The following GRIN2B variants were observed in gnomAD, a reference collection of about 807,000 sequenced individuals.
GRIN2B encodes glutamate receptor ionotropic, NMDA 2B.
A neutral mutation model predicts 114.5 loss-of-function variants in GRIN2B; 5 were observed. The observed-to-expected ratio is 0.04, with a 90% CI of 0.02 to 0.09. GRIN2B has a LOEUF of 0.09. Ranked by LOEUF, GRIN2B falls within the 10% of genes least tolerant of loss-of-function variation. The pLI is 1.00. For synonymous variants in GRIN2B, 787 were observed against 745.1 expected (o/e 1.06, Z -0.92); for missense variants, 1,108 against 1,943.5 (o/e 0.57, Z 8.08).
intron 3 of GRIN2B, among the ~76,000 whole-genome samples, chr12:13,839,603 G>C (rs1358987173): frequency 2.0e-5 from 3 of 152,142 alleles, no homozygotes; most frequent in African/African-American, 7.2e-5. Flanking sequence ...TTGGCTCAGA[G>C]AGGTTCAGTG....
intron 3 of GRIN2B, among the ~76,000 whole-genome samples, chr12:13,767,734 G>A (rs1424553328): frequency 6.6e-6 from 1 of 152,132 alleles, no homozygotes; most frequent in African/African-American, 2.4e-5. Flanking sequence ...ACAGATGAAA[G>A]ATATCTTGGT....
intron 4 of GRIN2B, among the ~76,000 whole-genome samples, chr12:13,746,040 A>T (rs951111671): frequency 5.3e-5 from 8 of 151,820 alleles, no homozygotes; most frequent in African/African-American, 7.3e-5. Context: ...AAAATTTTTT[A>T]AATATAATTT....
At chr12:13,792,309 A>G (rs74067308) in intron 3 of GRIN2B, among the ~76,000 whole-genome samples, 5,448 of 152,342 alleles carry the variant, frequency 0.036, 118 homozygotes, top group Middle Eastern at 0.061. Context: ...AAGGAAAGGA[A>G]GGAATCAAAC....
chr12:13,727,243 G>A (rs1439801502), intron 4 of GRIN2B, among the ~76,000 whole-genome samples: 1 of 152,134 alleles, frequency 6.6e-6, no homozygotes, highest in Admixed American at 6.5e-5. Context: ...GGTAGGGTGT[G>A]GACTGCCATG....
intron 2 of GRIN2B, among the ~76,000 whole-genome samples, chr12:13,975,452 T>C (rs1253598464): frequency 6.6e-6 from 1 of 152,244 alleles, no homozygotes; most frequent in Admixed American, 6.5e-5. Context: ...AAAGAAGTTA[T>C]ACAACCTTAG....
chr12:13,587,759 A>T (rs1948949401), intron 10 of GRIN2B, among the ~76,000 whole-genome samples: 1 of 152,210 alleles, frequency 6.6e-6, no homozygotes, highest in African/African-American at 2.4e-5. Flanking sequence ...CTTGGAGCAG[A>T]CACTTTTTCT....
intron 2 of GRIN2B, among the ~76,000 whole-genome samples, chr12:13,887,021 C>G (rs190135158): frequency 1.4e-4 from 21 of 152,260 alleles, no homozygotes; most frequent in African/African-American, 4.8e-4. Context: ...GGTTACATGG[C>G]TACTAAATGG....
intron 3 of GRIN2B, among the ~76,000 whole-genome samples, chr12:13,805,446 T>C (rs1398082952): frequency 6.6e-6 from 1 of 152,208 alleles, no homozygotes; most frequent in Non-Finnish European, 1.5e-5. Flanking sequence ...TTGAAAGTGG[T>C]GTTCTTCAGT....
At chr12:13,966,015 T>C (rs1867785112) in intron 2 of GRIN2B, among the ~76,000 whole-genome samples, 1 of 152,208 alleles carries the variant, frequency 6.6e-6, no homozygotes, top group African/African-American at 2.4e-5. Context: ...TCAAGGCACC[T>C]GCAGAGGAGA....
intron 2 of GRIN2B, among the ~76,000 whole-genome samples, chr12:13,883,378 T>C (rs1295083191): frequency 6.6e-6 from 1 of 152,226 alleles, no homozygotes; most frequent in Non-Finnish European, 1.5e-5. Context: ...CAGCAGTTTC[T>C]CCACATTCTT....
chr12:13,765,668 T>C (rs1362877216), intron 3 of GRIN2B, among the ~76,000 whole-genome samples: 1 of 152,256 alleles, frequency 6.6e-6, no homozygotes, highest in African/African-American at 2.4e-5. Flanking sequence ...TGAGTGCTTA[T>C]AGCAGGCTCC....
intron 2 of GRIN2B, among the ~76,000 whole-genome samples, chr12:13,925,808 T>C (rs1333761657): frequency 6.6e-6 from 1 of 152,180 alleles, no homozygotes; most frequent in African/African-American, 2.4e-5. Context: ...GACCTGTTGA[T>C]GATTTTAATG....
At chr12:13,685,344 TATG>T (rs764101904) in intron 4 of GRIN2B, among the ~76,000 whole-genome samples, 9 of 152,190 alleles carry the variant, frequency 5.9e-5, no homozygotes, top group Non-Finnish European at 1.3e-4. Context: ...TAGATGAATA[TATG>T]ATGAGTTGGT....
At chr12:13,970,929 A>G (rs1280730668) in intron 2 of GRIN2B, among the ~76,000 whole-genome samples, 1 of 152,202 alleles carries the variant, frequency 6.6e-6, no homozygotes, top group African/African-American at 2.4e-5. Context: ...TCAAGCTCAG[A>G]AACAATTCTG....
intron 10 of GRIN2B, among the ~76,000 whole-genome samples, chr12:13,587,821 T>C (rs1163725879): frequency 6.6e-6 from 1 of 152,246 alleles, no homozygotes; most frequent in Non-Finnish European, 1.5e-5. Flanking sequence ...ATAGCTTGCC[T>C]TTGATTTGTA....
chr12:13,899,595 C>T (rs7305583), intron 2 of GRIN2B, among the ~76,000 whole-genome samples: 142,993 of 143,436 alleles, frequency 1, 71,300 homozygotes, highest in East Asian at 1. Context: ...AACATTAAAT[C>T]TGATTATTTC....
intron 5 of GRIN2B, among the ~76,000 whole-genome samples, chr12:13,657,801 C>T (rs926516347): frequency 5.9e-5 from 9 of 151,964 alleles, no homozygotes; most frequent in African/African-American, 9.7e-5. Context: ...TTAGTTTATA[C>T]GATTTAATAT....
chr12:13,677,887 A>G (rs906900410), intron 4 of GRIN2B, among the ~76,000 whole-genome samples: 7 of 152,104 alleles, frequency 4.6e-5, no homozygotes, highest in African/African-American at 1.4e-4. Context: ...TACTCTTTAA[A>G]GACCTGTTAA....
chr12:13,914,006 A>G (rs1226183882), intron 2 of GRIN2B, among the ~76,000 whole-genome samples: 1 of 152,200 alleles, frequency 6.6e-6, no homozygotes, highest in Non-Finnish European at 1.5e-5. Flanking sequence ...TTATATTTTC[A>G]TCTTTGATCT....
Sources: allele counts gnomAD v4.1 joint callset (sites outside exome capture counted in the v4.1 genomes callset), GRCh38; gene constraint gnomAD v4.1.1; transcripts MANE v1.5; gene names NCBI Gene and HGNC (gene_info 2026-07-23, HGNC 2026-07-21).